Variants in PTPRG observed in about 807,000 individuals in gnomAD.
PTPRG encodes protein tyrosine phosphatase receptor type G.
Under a neutral mutation model 165.3 loss-of-function variants are expected in PTPRG, and 102 were observed. The ratio of observed to expected loss-of-function variants is 0.62; its 90% CI spans 0.53 to 0.73. The LOEUF is 0.73. Ranked by LOEUF, PTPRG falls within the 30% of genes least tolerant of loss-of-function variation. The pLI, the probability that PTPRG is intolerant of heterozygous loss-of-function variation, is 0.00. For missense variants in PTPRG, 1,866 were observed against 1,861.4 expected (o/e 1.00, Z -0.05); for synonymous variants, 675 against 669.5 (o/e 1.01, Z -0.13).
chr3:61,662,841 G>T (rs1702703877), intron 1 of PTPRG, among the ~76,000 whole-genome samples: 1 of 152,206 alleles, frequency 6.6e-6, no homozygotes, highest in Admixed American at 6.5e-5. Flanking sequence ...AAGACTTATT[G>T]ATGGTGATGG....
At chr3:62,174,080 TAGAC>T (rs759651736) in intron 8 of PTPRG, among the ~76,000 whole-genome samples, 1 of 152,208 alleles carries the variant, frequency 6.6e-6, no homozygotes, top group South Asian at 2.1e-4. Context: ...GCAAATAACT[TAGAC>T]AGACTTTAGG....
chr3:62,026,879 TAAAAA>T (rs200417191), intron 4 of PTPRG, among the ~76,000 whole-genome samples: 3 of 94,726 alleles, frequency 3.2e-5, no homozygotes, highest in Non-Finnish European at 6.0e-5. Flanking sequence ...GAGTGAGAAT[TAAAAA>T]AAAAAAAAAA....
intron 5 of PTPRG, among the ~76,000 whole-genome samples, chr3:62,128,127 G>C (rs899763470): frequency 6.6e-6 from 1 of 152,026 alleles, no homozygotes; most frequent in Non-Finnish European, 1.5e-5. Context: ...TTTCGAGTTT[G>C]TGTGCCATCT....
Position 61,792,724 on chromosome 3 carries a change from CT to C in PTPRG, c.190+43745del, listed in dbSNP as rs1559614553. Among the ~76,000 whole-genome samples the C allele has an allele frequency of 1.1e-4, 7 of 63,594 alleles. 1 individual carries two copies. Among genetic ancestry groups the C allele is most frequent in the African/African-American group, 4.5e-4 (7 of 15,666 alleles). 41.7% of individuals were successfully genotyped at this position (63,594 alleles called of 152,430 possible). On this transcript the variant is annotated intron_variant, in intron 2 of 29. Transcript: ENST00000474889. ...TCTTTCTTTCTTTCTTTCTTTCTTTCTTTCTTTCTTTCTTTCTTTCTTTGAG... is the reference window on the plus strand; with the variant it reads ...TCTTTCTTTCTTTCTTTCTTTCTTTCTTCTTTCTTTCTTTCTTTCTTTGAG...
At chr3:61,621,581 C>T (rs1422109295) in intron 1 of PTPRG, among the ~76,000 whole-genome samples, 1 of 152,130 alleles carries the variant, frequency 6.6e-6, no homozygotes, top group Non-Finnish European at 1.5e-5. Context: ...TCTCTGTCTT[C>T]CTTAACTCCT....
intron 2 of PTPRG, among the ~76,000 whole-genome samples, chr3:61,936,813 A>G (rs1204733123): frequency 6.6e-6 from 1 of 152,220 alleles, no homozygotes; most frequent in Non-Finnish European, 1.5e-5. Flanking sequence ...GTGATAATGG[A>G]GGAGGAATAC....
At chr3:62,062,686 A>C (rs994769618) in intron 4 of PTPRG, among the ~76,000 whole-genome samples, 1 of 151,920 alleles carries the variant, frequency 6.6e-6, no homozygotes, top group Non-Finnish European at 1.5e-5. Context: ...TGTTTTTTTT[A>C]AAGGCAGGAT....
chr3:61,951,586 G>A (rs1361844166), intron 2 of PTPRG, among the ~76,000 whole-genome samples: 1 of 152,088 alleles, frequency 6.6e-6, no homozygotes, highest in Non-Finnish European at 1.5e-5. Flanking sequence ...TCTCCTTGAG[G>A]GCAGAGGACT....
At chr3:61,669,726 CTT>C (rs1702915917) in intron 1 of PTPRG, among the ~76,000 whole-genome samples, 1 of 152,088 alleles carries the variant, frequency 6.6e-6, no homozygotes, top group Non-Finnish European at 1.5e-5. Context: ...TACTATGTGT[CTT>C]TTATTGCTGC....
chr3:61,943,533 G>A (rs905151071), intron 2 of PTPRG, among the ~76,000 whole-genome samples: 1 of 152,152 alleles, frequency 6.6e-6, no homozygotes, highest in African/African-American at 2.4e-5. Flanking sequence ...AGCCAAGATC[G>A]CGCCACTGCA....
rs182283461 is a variant in PTPRG at position 61,905,277 on chromosome 3, C to T, written c.191-84348C>T. ...GACATAGGGAGCTTGACTGTGATTC[C>T]AAGTATGTGGTGAGCTCACAACCCC... On this transcript the variant is annotated intron_variant, in intron 2 of 29. Transcript: ENST00000474889. Among the ~76,000 whole-genome samples the T allele has an allele frequency of 9.9e-5, 15 of 152,198 alleles. No individual in the cohort carries two copies. The East Asian group carries it at 2.9e-3, about 29-fold the overall frequency.
intron 12 of PTPRG, among the ~76,000 whole-genome samples, chr3:62,211,052 C>G (rs151167547): frequency 6.6e-6 from 1 of 152,162 alleles, no homozygotes; most frequent in Non-Finnish European, 1.5e-5. Context: ...ATTTGTAGAC[C>G]CATGTTCATG....
At position 62,159,328 on chromosome 3, in the gene PTPRG, C is replaced by CAA. The variant is rs146075876; in HGVS notation, c.840+2113_840+2114dup. On this transcript the variant is annotated intron_variant, in intron 7 of 29. Coordinates refer to ENST00000474889, the MANE Select transcript of PTPRG (RefSeq NM_002841.4). ...TGTGGATGACAGAGTGAGACTGTCT[C>CAA]AAAAAAAAAAGAGAAAGATTTGAGA... Among the ~76,000 whole-genome samples the CAA allele has an allele frequency of 1.2e-4, 17 of 144,290 alleles. No homozygotes were observed. In the South Asian group the frequency reaches 3.1e-3, roughly 26 times the overall value. 94.7% of individuals were successfully genotyped at this position (144,290 alleles called of 152,430 possible).
At chr3:61,748,810 A>G (rs2033313721) in intron 1 of PTPRG, 68 bp from the exon 2 acceptor site, 1 of 1,327,150 alleles carries the variant, frequency 7.5e-7, no homozygotes, top group African/African-American at 1.5e-5. Context: ...AATGGTGTTC[A>G]TTTGACACCC....
chr3:61,777,526 G>A (rs1393086338), intron 2 of PTPRG, among the ~76,000 whole-genome samples: 1 of 152,164 alleles, frequency 6.6e-6, no homozygotes, highest in Non-Finnish European at 1.5e-5. Context: ...AACTGTCACG[G>A]TACTGCAGAG....
In PTPRG at chr3:61,562,211, G is replaced by C; in HGVS notation, c.-77G>C. On this transcript the variant is annotated 5_prime_UTR_variant, in exon 1 of 30. Coordinates refer to ENST00000474889, the MANE Select transcript of PTPRG (RefSeq NM_002841.4). ...GCCGGGGAAGCGCCCCGGCTTAGCG[G>C]AGGCTCGCACGGAGGCAAGAACTTA... is the stretch of plus-strand genomic sequence containing the variant. 7.3e-7 allele frequency: 1 copy of C among 1,379,154 alleles called. No homozygotes were observed. The highest frequency in any genetic ancestry group is 1.0e-6 in the Non-Finnish European group (1 of 969,888). 85.4% of individuals were successfully genotyped at this position (1,379,154 alleles called of 1,614,324 possible).
At chr3:61,782,066 A>G (rs1029825674) in intron 2 of PTPRG, among the ~76,000 whole-genome samples, 3 of 152,138 alleles carry the variant, frequency 2.0e-5, no homozygotes, top group African/African-American at 7.2e-5. Context: ...TTGCAACCTC[A>G]TTGAATGGGT....
At chr3:62,209,367 T>C (rs1359762559) in intron 12 of PTPRG, among the ~76,000 whole-genome samples, 2 of 152,226 alleles carry the variant, frequency 1.3e-5, no homozygotes, top group African/African-American at 4.8e-5. Context: ...CCCTGATTTA[T>C]AGTATTCATG....
chr3:62,218,815 C>A lies in PTPRG; in HGVS notation c.2156-36C>A, dbSNP rs765173022. 3 of 1,600,696 alleles carry A rather than the reference C, an allele frequency of 1.9e-6. No homozygotes were observed. The African/African-American group carries it at 4.0e-5, about 21-fold the overall frequency. ...CAATTCTGGCTCCCACCTCCACTAACCTCTGTCCTCTAACTGGGATGATTT... is the reference window on the plus strand; with the variant it reads ...CAATTCTGGCTCCCACCTCCACTAAACTCTGTCCTCTAACTGGGATGATTT... On this transcript the variant is annotated intron_variant, in intron 12 of 29. Coordinates refer to ENST00000474889, the MANE Select transcript of PTPRG (RefSeq NM_002841.4).
Sources: allele counts gnomAD v4.1 joint callset (sites outside exome capture counted in the v4.1 genomes callset), GRCh38; gene constraint gnomAD v4.1.1; transcripts MANE v1.5; gene names NCBI Gene and HGNC (gene_info 2026-07-23, HGNC 2026-07-21).